Variants in ATRN observed in about 807,000 individuals in gnomAD.
ATRN encodes the protein attractin, also known as attractin-2.
In ATRN, 54 loss-of-function variants were observed where a neutral mutation model predicts 178.7. The observed-to-expected ratio is 0.30, with a 90% CI of 0.24 to 0.38. The LOEUF (loss-of-function observed/expected upper bound fraction) is 0.38, where lower values mean the gene tolerates loss of function less well. Ranked by LOEUF, ATRN falls within the 10% of genes least tolerant of loss-of-function variation. The probability of loss-of-function intolerance (pLI) is 1.00; values close to 1 mark genes in which losing one functional copy is unlikely to be tolerated. For missense variants in ATRN, 1,443 were observed against 1,815.1 expected, an observed-to-expected ratio of 0.79 and a Z score of 3.73; for synonymous variants, 636 against 663.0, an observed-to-expected ratio of 0.96 and a Z score of 0.63.
chr20:3,504,884 G>A (rs1387127705), intron 1 of ATRN, among the ~76,000 whole-genome samples: 3 of 151,894 alleles, frequency 2.0e-5, no homozygotes, highest in African/African-American at 4.8e-5. Flanking sequence ...TGTTCAAAGT[G>A]GTAAAATGTT....
At chr20:3,634,454 A>G in intron 26 of ATRN, 65 bp downstream of exon 26, 1 of 1,479,902 alleles carries the variant, frequency 6.8e-7, no homozygotes, top group African/African-American at 1.4e-5. Flanking sequence ...TTTTTCTCTT[A>G]AGCAAGTGGG....
At position 3,572,814 on chromosome 20, in the gene ATRN, G is replaced by T; in HGVS notation, c.1955G>T (p.Arg652Leu). 6.2e-7 allele frequency: 1 copy of T among 1,613,872 alleles called. No homozygotes were observed. The highest frequency in any genetic ancestry group is 1.1e-5 in the South Asian group (1 of 91,056). ...VFTSEQCDAH[R>L]SEAACLAAGP... ...ACCTCGGAACAGTGTGATGCGCATC[G>T]GAGTGAAGCCGCTTGTTTAGCAGCA... The change falls in exon 12 of 29, where the codon CGG becomes CTG. Residue 652 changes from arginine to leucine, a missense_variant. Coordinates refer to ENST00000262919, the MANE Select transcript of ATRN (RefSeq NM_139321.3).
intron 1 of ATRN, among the ~76,000 whole-genome samples, chr20:3,496,503 C>G (rs1425652905): frequency 6.6e-6 from 1 of 152,122 alleles, no homozygotes; most frequent in Non-Finnish European, 1.5e-5. Flanking sequence ...TTTGATTGCA[C>G]TGTGGTCTGA....
chr20:3,536,882 A>G (rs1235444469), intron 2 of ATRN, among the ~76,000 whole-genome samples: 1 of 152,220 alleles, frequency 6.6e-6, no homozygotes, highest in Non-Finnish European at 1.5e-5. Context: ...CTTTGATACC[A>G]TATCAAAACT....
chr20:3,526,565 C>A (rs779924948), intron 1 of ATRN, among the ~76,000 whole-genome samples: 3 of 152,082 alleles, frequency 2.0e-5, no homozygotes, highest in Non-Finnish European at 2.9e-5. Context: ...TGACTTTCTT[C>A]ACAGAATTAG....
rs780144563 is a variant in ATRN, at chr20:3,481,791, C to CTT, written c.410+10295_410+10296dup. Among the ~76,000 whole-genome samples, 423 of 100,446 alleles carry CTT rather than the reference C, an allele frequency of 4.2e-3. 3 individuals are homozygous for CTT. Among genetic ancestry groups the CTT allele is most frequent in the African/African-American group, 0.013 (331 of 25,762 alleles). 65.9% of individuals were successfully genotyped at this position (100,446 alleles called of 152,430 possible). A position where few individuals can be genotyped will look rare whatever the true frequency, so the allele number is the denominator to read the frequency against. ...TTAATTTTAGTAATGGGTGAATTTC[C>CTT]TTTTTTTTTTTTTTTTTTTTTTAGA... On this transcript the variant is annotated intron_variant, in intron 1 of 28. Transcript: ENST00000262919.
intron 11 of ATRN, among the ~76,000 whole-genome samples, chr20:3,570,656 C>T (rs2086108004): frequency 2.0e-5 from 3 of 152,012 alleles, no homozygotes; most frequent in Admixed American, 2.0e-4. Flanking sequence ...GGCATCTTTA[C>T]ATTAGCTTTT....
chr20:3,605,758 G>A (rs1281883167), intron 24 of ATRN, among the ~76,000 whole-genome samples: 3 of 152,146 alleles, frequency 2.0e-5, no homozygotes, highest in African/African-American at 7.2e-5. Context: ...GAGAGTGATG[G>A]GGAGGAAGGA....
intron 18 of ATRN, among the ~76,000 whole-genome samples, chr20:3,587,802 TA>T (rs2086378628): frequency 6.6e-6 from 1 of 152,134 alleles, no homozygotes; most frequent in African/African-American, 2.4e-5. Flanking sequence ...GCATTGAATC[TA>T]CTGACCAATT....
At chr20:3,637,292 G>C (rs184217331) in intron 26 of ATRN, among the ~76,000 whole-genome samples, 1 of 152,120 alleles carries the variant, frequency 6.6e-6, no homozygotes, top group African/African-American at 2.4e-5. Flanking sequence ...TAGTAGTAGC[G>C]GCTGACGCTG....
Position 3,584,897 on chromosome 20 carries a change from A to G in ATRN, c.3184+17A>G, listed in dbSNP as rs766243038. 6 of 1,607,754 alleles carry G rather than the reference A, an allele frequency of 3.7e-6. No individual in the cohort carries two copies. The highest frequency in any genetic ancestry group is 5.1e-6 in the Non-Finnish European group (6 of 1,174,224). The stretch of plus-strand genomic sequence containing the variant: ...ACTGTCCAGGTAAGATGCCTTGCAT[A>G]TCCAAATTCAAGTGTTTCACTACTG... On this transcript the variant is annotated intron_variant, in intron 18 of 28. Coordinates refer to ENST00000262919, the MANE Select transcript of ATRN (RefSeq NM_139321.3).
At chr20:3,514,519 T>C (rs867990066) in intron 1 of ATRN, among the ~76,000 whole-genome samples, 78 of 152,324 alleles carry the variant, frequency 5.1e-4, no homozygotes, top group African/African-American at 1.7e-3. Context: ...GTGGGTTTAT[T>C]TGAGAAATTT....
At chr20:3,483,103 A>T (rs973621103) in intron 1 of ATRN, among the ~76,000 whole-genome samples, 13 of 152,144 alleles carry the variant, frequency 8.5e-5, no homozygotes, top group Admixed American at 7.9e-4. Flanking sequence ...TTTCTCTTGC[A>T]TGTTTCTACT....
intron 25 of ATRN, among the ~76,000 whole-genome samples, chr20:3,633,803 G>GT (rs1215958087): frequency 6.6e-6 from 1 of 152,046 alleles, no homozygotes; most frequent in East Asian, 1.9e-4. Flanking sequence ...TTTCAAATGT[G>GT]TTTTATTTTA....
intron 6 of ATRN, among the ~76,000 whole-genome samples, chr20:3,554,913 C>T (rs2085846940): frequency 6.7e-6 from 1 of 149,568 alleles, no homozygotes; most frequent in Non-Finnish European, 1.5e-5. Flanking sequence ...CAGCAGTCAA[C>T]CAAATAAGCA....
At chr20:3,471,620 G>T in intron 1 of ATRN, 103 bp downstream of exon 1, 1 of 1,332,632 alleles carries the variant, frequency 7.5e-7, no homozygotes, top group Non-Finnish European at 9.6e-7. Flanking sequence ...ACAGAAAGTG[G>T]AGAGGGTAGG....
At chr20:3,595,158 G>A (rs571665340) in intron 20 of ATRN, among the ~76,000 whole-genome samples, 2 of 152,330 alleles carry the variant, frequency 1.3e-5, no homozygotes, top group South Asian at 4.1e-4. Context: ...TGCTCTTGAG[G>A]CAAATCACTG....
chr20:3,518,746 A>G (rs182815598), intron 1 of ATRN, among the ~76,000 whole-genome samples: 5 of 152,280 alleles, frequency 3.3e-5, no homozygotes, highest in Admixed American at 2.6e-4. Flanking sequence ...TTAAAGCAGC[A>G]TATTATTTCA....
rs747290518 is a variant in ATRN at position 3,638,938 on chromosome 20, G to A, written c.4050+3G>A. The A allele has an allele frequency of 3.1e-6, 5 of 1,611,758 alleles. No homozygotes were observed. The highest frequency in any genetic ancestry group is 1.1e-5 in the South Asian group (1 of 90,692). ...ATCTTATTGGGGGGAGTATAAAGGT[G>A]AGAATGTGACTCAGAAGTCCCTATA... On this transcript the variant is annotated splice_donor_region_variant and intron_variant, in intron 27 of 28. Coordinates refer to ENST00000262919, the MANE Select transcript of ATRN (RefSeq NM_139321.3). The surrounding 1 kb of genome is among the most constrained non-coding windows in gnomAD (Gnocchi z 4.5).
Sources: gnomAD v4.1 joint callset for allele counts (sites outside exome capture counted in the v4.1 genomes callset) on GRCh38, gnomAD v4.1.1 for gene constraint, Gnocchi (gnomAD v3.1) non-coding constraint, MANE v1.5 for transcripts, NCBI Gene and HGNC (gene_info 2026-07-23, HGNC 2026-07-21) for gene names.